Variants in SRGAP3 observed in about 807,000 individuals in gnomAD.
The protein encoded by SRGAP3 is SLIT-ROBO Rho GTPase-activating protein 3.
Under a neutral mutation model 121.1 loss-of-function variants are expected in SRGAP3, and 39 were observed. The observed-to-expected ratio is 0.32, with a 90% confidence interval of 0.25 to 0.42. The LOEUF (loss-of-function observed/expected upper bound fraction) is 0.42, where lower values mean the gene tolerates loss of function less well. SRGAP3 is among the 10% of genes least tolerant of loss of function. The pLI is 1.00. For missense variants in SRGAP3, 1,213 were observed against 1,470.6 expected (o/e 0.82, Z 2.86); for synonymous variants, 601 against 570.0 (o/e 1.05, Z -0.77).
At chr3:9,230,867 AAAAAGAAAAG>A (rs200090712) in intron 1 of SRGAP3, among the ~76,000 whole-genome samples, 16,046 of 148,726 alleles carry the variant, frequency 0.11, 991 homozygotes, top group South Asian at 0.19. Context: ...AAAAAAAAAA[AAAAAGAAAAG>A]AAAAGAAAAG....
intron 2 of SRGAP3, among the ~76,000 whole-genome samples, chr3:9,118,196 G>A (rs1054517951): frequency 6.6e-5 from 10 of 152,082 alleles, no homozygotes; most frequent in African/African-American, 1.4e-4. Context: ...ATAGCTTTCA[G>A]AAAGAAGTCA....
chr3:9,255,383 C>T (rs1474729465), intron 3 of SRGAP3, among the ~76,000 whole-genome samples: 1 of 152,242 alleles, frequency 6.6e-6, no homozygotes, highest in Non-Finnish European at 1.5e-5. Context: ...CTTCCTCCTG[C>T]TCTCCATTCT....
chr3:9,104,918 C>T, intron 2 of SRGAP3, 76 bp from the exon 3 acceptor site: 1 of 1,587,352 alleles, frequency 6.3e-7, no homozygotes, highest in African/African-American at 1.3e-5. Context: ...TCACCCACTT[C>T]AGCTCTTTTA....
chr3:9,141,850 T>C (rs1949865391), intron 1 of SRGAP3, among the ~76,000 whole-genome samples: 1 of 152,208 alleles, frequency 6.6e-6, no homozygotes. Context: ...TGAGGATAGA[T>C]GGAGGCTGGC....
At chr3:9,020,215 G>T (rs1210865780) in intron 14 of SRGAP3, among the ~76,000 whole-genome samples, 1 of 151,752 alleles carries the variant, frequency 6.6e-6, no homozygotes, top group Non-Finnish European at 1.5e-5. Flanking sequence ...GTGATTTTTT[G>T]ATCTGTCTGT....
intron 2 of SRGAP3, among the ~76,000 whole-genome samples, chr3:9,327,970 C>T (rs1955547080): frequency 6.6e-6 from 1 of 152,066 alleles, no homozygotes; most frequent in African/African-American, 2.4e-5. Flanking sequence ...TGGTTAATTC[C>T]ATATATCCCC....
chr3:9,145,697 G>T (rs988912428), intron 1 of SRGAP3, among the ~76,000 whole-genome samples: 13 of 152,122 alleles, frequency 8.5e-5, no homozygotes, highest in African/African-American at 1.4e-4. Context: ...GCTAAAACAG[G>T]GGTACACACA....
At chr3:9,313,582 C>T (rs1207938704) in intron 3 of SRGAP3, among the ~76,000 whole-genome samples, 1 of 151,708 alleles carries the variant, frequency 6.6e-6, no homozygotes, top group East Asian at 1.9e-4. Flanking sequence ...GAGACTGAGG[C>T]AGGAGAATTG....
chr3:9,228,299 C>T (rs980908238), intron 1 of SRGAP3, among the ~76,000 whole-genome samples: 1 of 152,130 alleles, frequency 6.6e-6, no homozygotes, highest in African/African-American at 2.4e-5. Context: ...CCCAGTGCCG[C>T]CAGATCATGC....
intron 3 of SRGAP3, among the ~76,000 whole-genome samples, chr3:9,097,837 C>T (rs932904884): frequency 2.6e-5 from 4 of 152,328 alleles, no homozygotes; most frequent in African/African-American, 9.6e-5. Context: ...AGCCTCCTCG[C>T]TGTAGCTCAG....
At chr3:9,185,960 T>C (rs1145150) in intron 1 of SRGAP3, among the ~76,000 whole-genome samples, 39,404 of 151,894 alleles carry the variant, frequency 0.26, 5,368 homozygotes, top group Admixed American at 0.35. Context: ...CGGCCAGGAG[T>C]GGGCAGGCAC....
chr3:9,254,856 A>G (rs552040396), intron 3 of SRGAP3, among the ~76,000 whole-genome samples: 3 of 149,690 alleles, frequency 2.0e-5, no homozygotes, highest in Admixed American at 6.7e-5. Flanking sequence ...GGAGGGAGGG[A>G]AGGAAAGAGA....
At chr3:9,289,382 C>T (rs1435697850) in intron 3 of SRGAP3, among the ~76,000 whole-genome samples, 2 of 152,134 alleles carry the variant, frequency 1.3e-5, no homozygotes, top group Non-Finnish European at 1.5e-5. Context: ...TAATTTTTCA[C>T]CATGAATTGA....
At chr3:9,303,841 G>A (rs1955110038) in intron 3 of SRGAP3, among the ~76,000 whole-genome samples, 2 of 152,250 alleles carry the variant, frequency 1.3e-5, no homozygotes, top group South Asian at 4.1e-4. Flanking sequence ...CTTAAAATAA[G>A]GAAACTGAAG....
At chr3:9,208,390 G>C (rs1478822682) in intron 1 of SRGAP3, among the ~76,000 whole-genome samples, 1 of 152,084 alleles carries the variant, frequency 6.6e-6, no homozygotes, top group Admixed American at 6.6e-5. Context: ...CTCTCCACCA[G>C]ACCGAGATCC....
chr3:9,108,824 G>A (rs962429645), intron 2 of SRGAP3, among the ~76,000 whole-genome samples: 1 of 152,140 alleles, frequency 6.6e-6, no homozygotes, highest in Non-Finnish European at 1.5e-5. Flanking sequence ...TAGTTCAAAA[G>A]AGAAATAGTG....
chr3:9,209,781 G>T lies in SRGAP3; in HGVS notation c.67+39104C>A, dbSNP rs532633314. Among the ~76,000 whole-genome samples, 82 of 152,318 alleles carry T rather than the reference G, an allele frequency of 5.4e-4. 1 individual carries two copies. In the South Asian group the frequency reaches 0.017, roughly 32 times the overall value. On this transcript the variant is annotated intron_variant, in intron 1 of 21. Coordinates refer to ENST00000383836, the MANE Select transcript of SRGAP3 (RefSeq NM_014850.4). ...ATGCATAATGGTAGAGCCATACACT[G>T]GAACTGTAGCTAGGCACTCAAAAAG...
chr3:9,288,907 CT>C (rs1954828105), intron 3 of SRGAP3, among the ~76,000 whole-genome samples: 1 of 149,162 alleles, frequency 6.7e-6, no homozygotes, highest in Non-Finnish European at 1.5e-5. Context: ...TTAATTCTTT[CT>C]TTTTTTCAGA....
chr3:9,247,539 G>C (rs1460730325), intron 1 of SRGAP3, among the ~76,000 whole-genome samples: 1 of 152,204 alleles, frequency 6.6e-6, no homozygotes, highest in Non-Finnish European at 1.5e-5. Context: ...TCTGAAGCGT[G>C]TATGGCAGCT....
Sources: gnomAD v4.1 joint callset for allele counts (sites outside exome capture counted in the v4.1 genomes callset) on GRCh38, gnomAD v4.1.1 for gene constraint, MANE v1.5 for transcripts, NCBI Gene and HGNC (gene_info 2026-07-23, HGNC 2026-07-21) for gene names.